Variants in FXR1 observed in about 807,000 individuals in gnomAD.
FXR1 encodes RNA-binding protein FXR1.
Under a neutral mutation model 84.0 loss-of-function variants are expected in FXR1, and 15 were observed. The observed-to-expected ratio is 0.18, with a 90% CI of 0.12 to 0.27. FXR1 has a LOEUF of 0.27. Among genes scored for constraint, FXR1 ranks in the 10% least tolerant of loss-of-function variants. The pLI, the probability that FXR1 is intolerant of heterozygous loss-of-function variation, is 1.00. For synonymous variants in FXR1, 245 were observed against 250.7 expected (o/e 0.98, Z 0.21); for missense variants, 480 against 774.4 (o/e 0.62, Z 4.51).
chr3:180,961,613 T>A, intron 11 of FXR1, 59 bp downstream of exon 11: 2 of 756,850 alleles, frequency 2.6e-6, no homozygotes, highest in Non-Finnish European at 4.6e-6. Context: ...ACATAAATGT[T>A]GTACATTTGC....
intron 3 of FXR1, among the ~76,000 whole-genome samples, chr3:180,935,800 G>A (rs1007546372): frequency 6.6e-6 from 1 of 152,186 alleles, no homozygotes; most frequent in East Asian, 1.9e-4. Flanking sequence ...TGTTCATGTC[G>A]TGCATGTTCT....
At chr3:180,928,272 TC>T (rs1165309930) in intron 1 of FXR1, among the ~76,000 whole-genome samples, 6 of 152,130 alleles carry the variant, frequency 3.9e-5, no homozygotes, top group Non-Finnish European at 8.8e-5. Context: ...TCTGTTCTGT[TC>T]CTTTAAAATA....
intron 1 of FXR1, 36 bp downstream of exon 1, chr3:180,912,772 G>A: frequency 6.2e-7 from 1 of 1,614,030 alleles, no homozygotes; most frequent in South Asian, 1.1e-5. Context: ...GAGTGTTCTG[G>A]GTGCTGGAGC....
At chr3:180,951,245 A>G in intron 7 of FXR1, 53 bp from the exon 8 acceptor site, 1 of 1,178,064 alleles carries the variant, frequency 8.5e-7, no homozygotes. Context: ...ACCATACAAA[A>G]AAGCCATTTT....
chr3:180,962,090 T>C (rs1712194404), intron 11 of FXR1, among the ~76,000 whole-genome samples: 1 of 152,158 alleles, frequency 6.6e-6, no homozygotes, highest in African/African-American at 2.4e-5. Flanking sequence ...TTTAGAAAAA[T>C]ATGACCCATA....
chr3:180,955,411 C>A (rs1469140554), intron 9 of FXR1, among the ~76,000 whole-genome samples: 3 of 152,046 alleles, frequency 2.0e-5, no homozygotes, highest in African/African-American at 7.2e-5. Flanking sequence ...GTAGACTGAA[C>A]TGCTAGAAAG....
chr3:180,973,512 C>T (rs1432331094), intron 15 of FXR1, among the ~76,000 whole-genome samples: 1 of 152,212 alleles, frequency 6.6e-6, no homozygotes. Context: ...GTTCCCCACA[C>T]TGGCTAGAAT....
intron 15 of FXR1, among the ~76,000 whole-genome samples, chr3:180,972,839 G>A (rs1380261909): frequency 6.6e-6 from 1 of 152,166 alleles, no homozygotes; most frequent in African/African-American, 2.4e-5. Context: ...CCAAAAGATA[G>A]GGTGGGTAAA....
At chr3:180,913,165 C>G (rs1044886107) in intron 1 of FXR1, among the ~76,000 whole-genome samples, 10 of 152,122 alleles carry the variant, frequency 6.6e-5, no homozygotes, top group Admixed American at 5.2e-4. Flanking sequence ...CTCCTCAGCC[C>G]GCTCCTCCGA....
At chr3:180,922,737 G>A (rs924578984) in intron 1 of FXR1, among the ~76,000 whole-genome samples, 20 of 152,138 alleles carry the variant, frequency 1.3e-4, no homozygotes, top group Admixed American at 5.2e-4. Context: ...CTCAGCCTCT[G>A]GAGTATCTGA....
intron 8 of FXR1, among the ~76,000 whole-genome samples, chr3:180,952,900 A>G (rs1722377944): frequency 6.7e-6 from 1 of 148,210 alleles, no homozygotes; most frequent in East Asian, 2.0e-4. Flanking sequence ...TGGCGTGATC[A>G]TAGCTCACTG....
intron 14 of FXR1, among the ~76,000 whole-genome samples, chr3:180,969,910 A>G (rs1310402776): frequency 6.6e-6 from 1 of 152,206 alleles, no homozygotes; most frequent in Admixed American, 6.5e-5. Flanking sequence ...GGCACAGGAA[A>G]TGTTAGGAAG....
chr3:180,935,463 G>A (rs1029891399), intron 3 of FXR1, among the ~76,000 whole-genome samples: 6 of 152,262 alleles, frequency 3.9e-5, no homozygotes, highest in Admixed American at 6.5e-5. Context: ...TAATTTGGAA[G>A]TCATGGATGA....
chr3:180,948,221 T>A, intron 4 of FXR1, 126 bp from the exon 5 acceptor site: 1 of 678,846 alleles, frequency 1.5e-6, no homozygotes, highest in Non-Finnish European at 2.5e-6. Flanking sequence ...AGCTAAGCTG[T>A]GCTTAGTATT....
Position 180,982,324 on chromosome 3 carries a change from TATCA to T in FXR1, c.*6037_*6040del, listed in dbSNP as rs1714649881. ...AAAGTTTTTTTATGGATCGTATTTG[TATCA>T]ATCACCTACATGATCTAGAGCCCTC... is the stretch of plus-strand genomic sequence containing the variant. On this transcript the variant is annotated 3_prime_UTR_variant, in exon 17 of 17. Coordinates refer to ENST00000357559, the MANE Select transcript of FXR1 (RefSeq NM_005087.4). 1 of 142,262 alleles carries T rather than the reference TATCA, an allele frequency of 7.0e-6. No individual in the cohort carries two copies. Among genetic ancestry groups the T allele is most frequent in the Non-Finnish European group, 1.5e-5 (1 of 64,636 alleles). 8.8% of individuals were successfully genotyped at this position (142,262 alleles called of 1,614,324 possible).
At chr3:180,933,782 A>G (rs1019597104) in intron 2 of FXR1, among the ~76,000 whole-genome samples, 1 of 152,128 alleles carries the variant, frequency 6.6e-6, no homozygotes, top group Non-Finnish European at 1.5e-5. Context: ...AAAAATGGGA[A>G]AGACAGCATG....
chr3:180,915,468 A>C, intron 1 of FXR1: 1 of 1,399,926 alleles, frequency 7.1e-7, no homozygotes, highest in Admixed American at 2.0e-5. Flanking sequence ...CATTTAGCGT[A>C]GAAGCAATTT....
Position 180,933,777 on chromosome 3 carries a change from T to C in FXR1, c.104+391T>C, listed in dbSNP as rs188564536. 4.6e-5 allele frequency among the ~76,000 whole-genome samples: 7 copies of C among 152,178 alleles called. No homozygotes were observed. The East Asian group carries it at 1.4e-3, about 29-fold the overall frequency. On this transcript the variant is annotated intron_variant, in intron 2 of 16. Transcript: ENST00000357559. ...GCCTGAGGGGTATGCAGTCTAAAAA[T>C]GGGAAAGACAGCATGCTGGGTTTGG...
intron 9 of FXR1, among the ~76,000 whole-genome samples, chr3:180,956,895 C>T (rs928236656): frequency 1.3e-5 from 2 of 152,118 alleles, no homozygotes; most frequent in Non-Finnish European, 2.9e-5. Context: ...TCCATTTTAA[C>T]TCTTTCAACC....
Sources: gnomAD v4.1 joint callset for allele counts (sites outside exome capture counted in the v4.1 genomes callset) on GRCh38, gnomAD v4.1.1 for gene constraint, MANE v1.5 for transcripts, NCBI Gene and HGNC (gene_info 2026-07-23, HGNC 2026-07-21) for gene names.